PPP1R12B: variants seen among roughly 807,000 people sequenced by gnomAD.
PPP1R12B encodes the protein protein phosphatase 1 regulatory subunit 12B, also known as myosin phosphatase target subunit 2.
Under a neutral mutation model 126.1 loss-of-function variants are expected in PPP1R12B, and 76 were observed. The ratio of observed to expected loss-of-function variants is 0.60; its 90% CI spans 0.50 to 0.73. The LOEUF (loss-of-function observed/expected upper bound fraction) is 0.73, where lower values mean the gene tolerates loss of function less well. Ranked by LOEUF, PPP1R12B falls within the 30% of genes least tolerant of loss-of-function variation. The probability of loss-of-function intolerance (pLI) is 0.00; values close to 1 mark genes in which losing one functional copy is unlikely to be tolerated. For missense variants in PPP1R12B, 1,052 were observed against 1,205.1 expected, an observed-to-expected ratio of 0.87 and a Z score of 1.88; for synonymous variants, 356 against 434.7, an observed-to-expected ratio of 0.82 and a Z score of 2.25.
intron 6 of PPP1R12B, among the ~76,000 whole-genome samples, chr1:202,429,165 G>A (rs1024070196): frequency 1.1e-4 from 17 of 152,166 alleles, no homozygotes; most frequent in African/African-American, 4.1e-4. Context: ...GAAGCTGAAA[G>A]TTAAAAACAG....
Position 202,589,024 on chromosome 1 carries a change from C to T in PPP1R12B, c.*8464C>T, listed in dbSNP as rs1037926699. On this transcript the variant is annotated 3_prime_UTR_variant, in exon 24 of 24. Transcript: ENST00000608999. ...TTGAGGTCTAGGGAGGTGGTGATTT[C>T]CTTGGGCTCATGGAAGTCTCCTGCC... 2.0e-5 allele frequency: 3 copies of T among 152,156 alleles called. No homozygotes were observed. The highest frequency in any genetic ancestry group is 7.2e-5 in the African/African-American group (3 of 41,406). 9.4% of individuals were successfully genotyped at this position (152,156 alleles called of 1,614,324 possible). A position where few individuals can be genotyped will look rare whatever the true frequency, so the allele number is the denominator to read the frequency against.
intron 18 of PPP1R12B, among the ~76,000 whole-genome samples, chr1:202,504,598 C>G (rs1680612116): frequency 6.6e-6 from 1 of 152,132 alleles, no homozygotes; most frequent in Non-Finnish European, 1.5e-5. Context: ...GATTAAGTAC[C>G]TTGCTAGTGT....
chr1:202,476,220 A>AG (rs1317466263), intron 13 of PPP1R12B, among the ~76,000 whole-genome samples: 4 of 151,302 alleles, frequency 2.6e-5, no homozygotes, highest in African/African-American at 9.7e-5. Context: ...AAAAAAAAAA[A>AG]AGATATAGTT....
At chr1:202,551,832 G>A (rs1292046931) in intron 18 of PPP1R12B, among the ~76,000 whole-genome samples, 3 of 152,186 alleles carry the variant, frequency 2.0e-5, no homozygotes, top group Non-Finnish European at 2.9e-5. Flanking sequence ...CATGTGAAAA[G>A]GAATGTAGGA....
At chr1:202,463,981 C>A (rs1019070802) in intron 13 of PPP1R12B, among the ~76,000 whole-genome samples, 1 of 152,166 alleles carries the variant, frequency 6.6e-6, no homozygotes, top group African/African-American at 2.4e-5. Flanking sequence ...ACTTTCATGA[C>A]CCTCTTCCTT....
intron 1 of PPP1R12B, among the ~76,000 whole-genome samples, chr1:202,367,049 A>G (rs1168234030): frequency 2.0e-5 from 3 of 152,194 alleles, no homozygotes; most frequent in Non-Finnish European, 4.4e-5. Flanking sequence ...ATTAAATATA[A>G]CTTTACCCAT....
intron 18 of PPP1R12B, among the ~76,000 whole-genome samples, chr1:202,540,490 C>T (rs1354258891): frequency 6.6e-6 from 1 of 152,166 alleles, no homozygotes; most frequent in African/African-American, 2.4e-5. Context: ...TGCCTTTTAG[C>T]TTTTAACTAT....
chr1:202,424,384 C>T (rs1645909192), intron 3 of PPP1R12B, among the ~76,000 whole-genome samples: 2 of 150,750 alleles, frequency 1.3e-5, no homozygotes, highest in Non-Finnish European at 2.9e-5. Flanking sequence ...AGTGCAGTGG[C>T]GCAATCCCAG....
At chr1:202,394,283 C>T (rs921768327) in intron 1 of PPP1R12B, among the ~76,000 whole-genome samples, 22 of 151,110 alleles carry the variant, frequency 1.5e-4, no homozygotes, top group African/African-American at 5.1e-4. Flanking sequence ...CCAGTCTGGG[C>T]GACACAGCGA....
intron 1 of PPP1R12B, among the ~76,000 whole-genome samples, chr1:202,378,127 C>T (rs1199578627): frequency 2.0e-5 from 3 of 152,008 alleles, no homozygotes; most frequent in Non-Finnish European, 4.4e-5. Context: ...CGTGAGCCAC[C>T]GCGCCCAGCC....
chr1:202,528,668 T>A (rs1683601567), intron 18 of PPP1R12B, among the ~76,000 whole-genome samples: 1 of 152,098 alleles, frequency 6.6e-6, no homozygotes, highest in African/African-American at 2.4e-5. Context: ...GTTTCCCCCA[T>A]CCCCATAGCT....
chr1:202,580,685 C>A lies in PPP1R12B; in HGVS notation c.*125C>A. On this transcript the variant is annotated 3_prime_UTR_variant, in exon 24 of 24. Transcript: ENST00000608999. ...GGTGGAAGGACACTTCTTTCTATCA[C>A]CCTCTTCAGTCACCTCTATACACTC... 3 of 765,356 alleles carry A rather than the reference C, an allele frequency of 3.9e-6. No individual in the cohort carries two copies. The highest frequency in any genetic ancestry group is 2.7e-5 in the East Asian group (1 of 37,188). 47.4% of individuals were successfully genotyped at this position (765,356 alleles called of 1,614,324 possible).
intron 13 of PPP1R12B, among the ~76,000 whole-genome samples, chr1:202,481,497 T>TG (rs1310550472): frequency 1.3e-5 from 2 of 152,114 alleles, no homozygotes; most frequent in East Asian, 3.8e-4. Context: ...TGTAAAACAA[T>TG]GCCACTCTTC....
intron 13 of PPP1R12B, among the ~76,000 whole-genome samples, chr1:202,470,451 C>T (rs1675697622): frequency 6.6e-6 from 1 of 152,218 alleles, no homozygotes; most frequent in Non-Finnish European, 1.5e-5. Context: ...CTAACCTTAA[C>T]TTTTAAAAAG....
chr1:202,535,165 G>C (rs1040902477), intron 18 of PPP1R12B, among the ~76,000 whole-genome samples: 1 of 151,948 alleles, frequency 6.6e-6, no homozygotes, highest in African/African-American at 2.4e-5. Context: ...CAATGAGGCT[G>C]AAGAACTTGA....
chr1:202,590,018 G>A lies in PPP1R12B; in HGVS notation c.*9458G>A, dbSNP rs571896232. ...GGAGTTTTACTCTTCCCTGGTCTTT[G>A]GGGGCAATGCTGTCCCACTCTCCCT... On this transcript the variant is annotated 3_prime_UTR_variant, in exon 24 of 24. Coordinates refer to ENST00000608999, the MANE Select transcript of PPP1R12B (RefSeq NM_002481.4). 6.6e-6 allele frequency: 1 copy of A among 152,156 alleles called. No individual in the cohort carries two copies. The highest frequency in any genetic ancestry group is 1.5e-5 in the Non-Finnish European group (1 of 68,026). 9.4% of individuals were successfully genotyped at this position (152,156 alleles called of 1,614,324 possible). A position where few individuals can be genotyped will look rare whatever the true frequency, so the allele number is the denominator to read the frequency against.
chr1:202,405,181 G>A (rs1666423331), intron 1 of PPP1R12B, among the ~76,000 whole-genome samples: 1 of 152,084 alleles, frequency 6.6e-6, no homozygotes, highest in Non-Finnish European at 1.5e-5. Context: ...CTAACAATTA[G>A]ACTTGATGGA....
intron 13 of PPP1R12B, among the ~76,000 whole-genome samples, chr1:202,450,413 G>A (rs1264543133): frequency 6.6e-6 from 1 of 152,168 alleles, no homozygotes. Flanking sequence ...GCAAGAATGG[G>A]TCATTTTCTC....
intron 20 of PPP1R12B, among the ~76,000 whole-genome samples, chr1:202,563,752 C>A (rs1169666516): frequency 6.6e-6 from 1 of 151,838 alleles, no homozygotes; most frequent in African/African-American, 2.4e-5. Context: ...GTTTGCGATA[C>A]CAGGAAAAAC....
Sources: allele counts gnomAD v4.1 joint callset (sites outside exome capture counted in the v4.1 genomes callset), GRCh38; gene constraint gnomAD v4.1.1; transcripts MANE v1.5; gene names NCBI Gene and HGNC (gene_info 2026-07-23, HGNC 2026-07-21).